The following COL23A1 variants were observed in gnomAD, a reference collection of about 807,000 sequenced individuals.
COL23A1 encodes the protein collagen type XXIII alpha 1 chain.
In COL23A1, 97 loss-of-function variants were observed where a neutral mutation model predicts 99.3. The observed-to-expected ratio is 0.98, with a 90% CI of 0.83 to 1.16. COL23A1 has a LOEUF of 1.16. COL23A1 is among the 50% of genes most tolerant of loss of function. COL23A1 has a pLI of 0.00. For synonymous variants in COL23A1, 320 were observed against 308.2 expected, an observed-to-expected ratio of 1.04 and a Z score of -0.40; for missense variants, 762 against 757.4, an observed-to-expected ratio of 1.01 and a Z score of -0.07.
At chr5:178,492,213 C>T (rs1166359242) in intron 2 of COL23A1, among the ~76,000 whole-genome samples, 1 of 151,888 alleles carries the variant, frequency 6.6e-6, no homozygotes, top group Non-Finnish European at 1.5e-5. Context: ...ATTATTTGGC[C>T]ATGTTATGAA....
At chr5:178,531,678 G>A (rs1760659969) in intron 2 of COL23A1, among the ~76,000 whole-genome samples, 1 of 152,216 alleles carries the variant, frequency 6.6e-6, no homozygotes, top group South Asian at 2.1e-4. Flanking sequence ...TTCCTACTGT[G>A]GTCTTTCCAA....
chr5:178,535,023 T>G (rs915532907), intron 2 of COL23A1, among the ~76,000 whole-genome samples: 2 of 146,258 alleles, frequency 1.4e-5, no homozygotes, highest in Admixed American at 1.4e-4. Context: ...CAGGCTGGAG[T>G]GCGGTGGCGT....
chr5:178,414,698 G>C (rs1227677527), intron 2 of COL23A1, among the ~76,000 whole-genome samples: 1 of 152,190 alleles, frequency 6.6e-6, no homozygotes, highest in African/African-American at 2.4e-5. Context: ...CTTGAACCCG[G>C]GAGGCGGAGG....
At chr5:178,441,040 T>C (rs920400499) in intron 2 of COL23A1, among the ~76,000 whole-genome samples, 2 of 152,200 alleles carry the variant, frequency 1.3e-5, no homozygotes, top group Non-Finnish European at 2.9e-5. Flanking sequence ...AAGGCACTCC[T>C]TGAGGGCAGG....
At chr5:178,492,743 C>T (rs562983988) in intron 2 of COL23A1, among the ~76,000 whole-genome samples, 2 of 151,914 alleles carry the variant, frequency 1.3e-5, no homozygotes, top group African/African-American at 2.4e-5. Context: ...CCCATAGAGG[C>T]CCCACCTCAC....
At chr5:178,547,599 C>A (rs1761687850) in intron 2 of COL23A1, among the ~76,000 whole-genome samples, 1 of 8,004 alleles carries the variant, frequency 1.2e-4, no homozygotes, top group South Asian at 4.2e-3. Flanking sequence ...CCACAACCAC[C>A]CACACACACA....
intron 2 of COL23A1, among the ~76,000 whole-genome samples, chr5:178,347,068 TG>T (rs1475033994): frequency 6.6e-6 from 1 of 152,152 alleles, no homozygotes; most frequent in African/African-American, 2.4e-5. Context: ...CAGGGTCTGG[TG>T]GCCCTGCTTG....
At position 178,366,797 on chromosome 5, in the gene COL23A1, G is replaced by C. The variant is rs1266918813; in HGVS notation, c.362-59878C>G. On this transcript the variant is annotated intron_variant, in intron 2 of 28. Coordinates refer to ENST00000390654, the MANE Select transcript of COL23A1 (RefSeq NM_173465.4). This position sits in a 1 kb window ranked among gnomAD's most constrained non-coding sequence, Gnocchi z 4.4. Reference sequence around the variant, plus strand: ...TTATCTATTGCTGAGGCTCACAGCAGATGTCGCCTCTTCCATAAAAGCTTT... The same window carrying C: ...TTATCTATTGCTGAGGCTCACAGCACATGTCGCCTCTTCCATAAAAGCTTT... Among the ~76,000 whole-genome samples, 2 of 152,238 alleles carry C rather than the reference G, an allele frequency of 1.3e-5. No individual in the cohort carries two copies. Among genetic ancestry groups the C allele is most frequent in the Non-Finnish European group, 2.9e-5 (2 of 68,048 alleles).
chr5:178,398,491 G>A (rs1477665749), intron 2 of COL23A1, among the ~76,000 whole-genome samples: 11 of 152,070 alleles, frequency 7.2e-5, no homozygotes, highest in Admixed American at 2.0e-4. Flanking sequence ...GCTGGGCGTG[G>A]TGGCACGTGC....
In COL23A1 at chr5:178,589,846, C is replaced by T; in HGVS notation, c.294+58G>A. The T allele has an allele frequency of 2.4e-6, 3 of 1,247,398 alleles. No homozygotes were observed. Among genetic ancestry groups the T allele is most frequent in the African/African-American group, 1.6e-5 (1 of 63,662 alleles). 77.3% of individuals were successfully genotyped at this position (1,247,398 alleles called of 1,614,324 possible). ...CACGCTGCCCCCGGCTCCCAGCGTA[C>T]CGCCACCCTCAACCCGACACACCCA... On this transcript the variant is annotated intron_variant, in intron 1 of 28. Coordinates refer to ENST00000390654, the MANE Select transcript of COL23A1 (RefSeq NM_173465.4). This position sits in a 1 kb window ranked among gnomAD's most constrained non-coding sequence, Gnocchi z 5.4.
At chr5:178,300,245 AT>A (rs1442491143) in intron 3 of COL23A1, among the ~76,000 whole-genome samples, 1 of 140,124 alleles carries the variant, frequency 7.1e-6, no homozygotes, top group Admixed American at 7.3e-5. Flanking sequence ...AATTTTTTGT[AT>A]TTTTTTTTTT....
chr5:178,374,675 C>T (rs1762977389), intron 2 of COL23A1, among the ~76,000 whole-genome samples: 1 of 152,176 alleles, frequency 6.6e-6, no homozygotes, highest in Non-Finnish European at 1.5e-5. Flanking sequence ...TAGTTAAAAC[C>T]ACTTCCCACC....
chr5:178,282,316 A>G (rs1167480291), intron 5 of COL23A1, among the ~76,000 whole-genome samples: 1 of 152,186 alleles, frequency 6.6e-6, no homozygotes, highest in Non-Finnish European at 1.5e-5. Context: ...CTTTTTTCGT[A>G]AAGCAGGAAA....
chr5:178,561,004 T>C (rs1309861972), intron 1 of COL23A1, among the ~76,000 whole-genome samples: 1 of 152,184 alleles, frequency 6.6e-6, no homozygotes, highest in Non-Finnish European at 1.5e-5. Context: ...TACAGCATTT[T>C]CAAATAGAAT....
At chr5:178,555,507 G>A (rs1762223954) in intron 2 of COL23A1, among the ~76,000 whole-genome samples, 2 of 152,168 alleles carry the variant, frequency 1.3e-5, no homozygotes, top group African/African-American at 4.8e-5. Flanking sequence ...AGGAGAGCGA[G>A]CCCTGAGCCC....
intron 2 of COL23A1, among the ~76,000 whole-genome samples, chr5:178,400,944 A>C (rs941097290): frequency 5.3e-5 from 8 of 152,230 alleles, no homozygotes; most frequent in Admixed American, 1.3e-4. Flanking sequence ...GGCTATCTCC[A>C]GAACTTTTAA....
chr5:178,376,904 C>G (rs1299001379), intron 2 of COL23A1, among the ~76,000 whole-genome samples: 1 of 152,216 alleles, frequency 6.6e-6, no homozygotes, highest in African/African-American at 2.4e-5. Flanking sequence ...ATGACTTCAT[C>G]AAAGTGAACC....
At chr5:178,492,069 T>C (rs1757962597) in intron 2 of COL23A1, among the ~76,000 whole-genome samples, 1 of 152,232 alleles carries the variant, frequency 6.6e-6, no homozygotes, top group Non-Finnish European at 1.5e-5. Flanking sequence ...ATTCAATTAA[T>C]ACAAATCGAA....
intron 2 of COL23A1, among the ~76,000 whole-genome samples, chr5:178,386,879 T>C (rs912363875): frequency 1.3e-5 from 2 of 152,214 alleles, no homozygotes; most frequent in African/African-American, 4.8e-5. Flanking sequence ...GGCTCTATGC[T>C]GTGCCACTGA....
Sources: gnomAD v4.1 joint callset for allele counts (sites outside exome capture counted in the v4.1 genomes callset) on GRCh38, gnomAD v4.1.1 for gene constraint, Gnocchi (gnomAD v3.1) non-coding constraint, MANE v1.5 for transcripts, NCBI Gene and HGNC (gene_info 2026-07-23, HGNC 2026-07-21) for gene names.